The following FRMPD3 variants were observed in gnomAD, a reference collection of about 807,000 sequenced individuals.
FRMPD3 encodes FERM and PDZ domain containing 3, also known as FERM and PDZ domain-containing protein 3.
In FRMPD3, 42 loss-of-function variants were observed where a neutral mutation model predicts 97.9. That is an observed-to-expected ratio of 0.43 (90% CI 0.34 to 0.55). The LOEUF is 0.55. Ranked by LOEUF, FRMPD3 falls within the 20% of genes least tolerant of loss-of-function variation. FRMPD3 has a pLI of 0.03. For missense variants in FRMPD3, 1,303 were observed against 1,457.7 expected, an observed-to-expected ratio of 0.89 and a Z score of 1.73; for synonymous variants, 577 against 581.1, an observed-to-expected ratio of 0.99 and a Z score of 0.10.
intron 13 of FRMPD3, among the ~76,000 whole-genome samples, chrX:107,583,712 A>T (rs891499141): frequency 9.9e-5 from 11 of 111,638 alleles, no homozygotes; most frequent in African/African-American, 3.6e-4. Context: ...CCAACAGTGT[A>T]AAAGCATTCC....
chrX:107,537,775 G>A (rs889553239), intron 4 of FRMPD3, among the ~76,000 whole-genome samples: 2 of 111,463 alleles, frequency 1.8e-5, no homozygotes, highest in East Asian at 2.8e-4. Flanking sequence ...ATGTGCAGTC[G>A]ATCCTCATTA....
intron 1 of FRMPD3, among the ~76,000 whole-genome samples, chrX:107,500,608 A>C (rs1921881103): frequency 9.0e-6 from 1 of 111,572 alleles, no homozygotes; most frequent in African/African-American, 3.3e-5. Context: ...AGGCTGGCCA[A>C]CATGGTGAAA....
At chrX:107,453,431 G>A (rs1021083710) in intron 1 of FRMPD3, among the ~76,000 whole-genome samples, 1 of 109,543 alleles carries the variant, frequency 9.1e-6, no homozygotes, top group African/African-American at 3.3e-5. Flanking sequence ...AGGCCCCCTG[G>A]GAGGAAGCAC....
In FRMPD3 at chrX:107,554,375, T is replaced by C; in HGVS notation, c.643-10T>C. The C allele has an allele frequency of 1.7e-6, 2 of 1,206,287 alleles. No homozygotes were observed. The highest frequency in any genetic ancestry group is 2.2e-6 in the Non-Finnish European group (2 of 893,010). On this transcript the variant is annotated splice_polypyrimidine_tract_variant and intron_variant, in intron 7 of 14. Transcript: ENST00000683843. ...CTCTTTTCTTCTCCCCTTTCATCCCTGGAATTCAGGTGGTACAGCGGACAC... is the reference window on the plus strand; with the variant it reads ...CTCTTTTCTTCTCCCCTTTCATCCCCGGAATTCAGGTGGTACAGCGGACAC...
intron 12 of FRMPD3, among the ~76,000 whole-genome samples, chrX:107,574,029 C>T (rs973778967): frequency 8.9e-5 from 10 of 112,119 alleles, no homozygotes; most frequent in Non-Finnish European, 1.9e-5. Context: ...ATTACAGAAC[C>T]GGAACACATC....
intron 1 of FRMPD3, among the ~76,000 whole-genome samples, chrX:107,465,511 G>C (rs1192197940): frequency 9.0e-6 from 1 of 111,050 alleles, no homozygotes; most frequent in East Asian, 2.8e-4. Context: ...TCTTGAGATA[G>C]GCTCTCCTCT....
Position 107,545,745 on chromosome X carries a change from A to G in FRMPD3, c.306A>G (p.Lys102=). The G allele has an allele frequency of 8.3e-7, 1 of 1,207,702 alleles. No individual in the cohort carries two copies. Among genetic ancestry groups the G allele is most frequent in the Non-Finnish European group, 1.1e-6 (1 of 892,921 alleles). The part of the protein sequence containing the change: ...LTVLHTHQSP[K]SAFISAAKKA... ...CTCTGTTCTTTTTCCAGTCCCCCAA[A>G]TCTGCTTTCATCAGTGCTGCGAAGA... The change falls in exon 5 of 15, where the codon AAA becomes AAG. Residue 102 remains lysine (K), a synonymous_variant. Transcript: ENST00000683843.
rs760133294 is a variant in FRMPD3, at chrX:107,451,169, C to T, written c.-8+1164C>T. On this transcript the variant is annotated intron_variant, in intron 1 of 14. Transcript: ENST00000683843. Reference sequence around the variant, plus strand: ...GAATTCTGCTAGACCTGCCCCTCCCCTTGGCATCTTGGTCCAGGTGCAAAA... The same window carrying T: ...GAATTCTGCTAGACCTGCCCCTCCCTTTGGCATCTTGGTCCAGGTGCAAAA... Among the ~76,000 whole-genome samples, 5 of 111,696 alleles carry T rather than the reference C, an allele frequency of 4.5e-5. No homozygotes were observed. The South Asian group carries it at 1.9e-3, about 42-fold the overall frequency.
chrX:107,600,451 C>G lies in FRMPD3; in HGVS notation c.2412C>G (p.Asn804Lys). The part of the protein sequence containing the change: ...NTTYFLAQHL[N>K]KDSLLARKDL... The stretch of plus-strand genomic sequence containing the variant: ...CCTACTTCCTGGCCCAGCACCTCAA[C>G]AAGGACAGCCTCCTTGCCCGCAAGG... The change falls in exon 15 of 15, where the codon AAC becomes AAG. Residue 804 changes from asparagine (N) to lysine (K), a missense_variant. Coordinates refer to ENST00000683843, the MANE Select transcript of FRMPD3 (RefSeq NM_001388459.1). 8.3e-7 allele frequency: 1 copy of G among 1,210,678 alleles called. No homozygotes were observed. Among genetic ancestry groups the G allele is most frequent in the Non-Finnish European group, 1.1e-6 (1 of 895,284 alleles).
intron 8 of FRMPD3, among the ~76,000 whole-genome samples, chrX:107,559,002 A>ATTTTTTT (rs34486203): frequency 2.2e-5 from 2 of 92,327 alleles, no homozygotes; most frequent in Non-Finnish European, 4.3e-5. Context: ...CACTATAGCA[A>ATTTTTTT]TTTTTTTTTT....
intron 6 of FRMPD3, among the ~76,000 whole-genome samples, chrX:107,551,839 C>T (rs1197154918): frequency 1.8e-5 from 2 of 112,688 alleles, no homozygotes; most frequent in African/African-American, 3.2e-5. Flanking sequence ...ACTACTTGGA[C>T]AACACAAGAG....
At chrX:107,579,890 T>C (rs1923305338) in intron 13 of FRMPD3, among the ~76,000 whole-genome samples, 1 of 111,798 alleles carries the variant, frequency 8.9e-6, no homozygotes, top group South Asian at 3.8e-4. Flanking sequence ...CTACTATATA[T>C]CCCATGAGTG....
At chrX:107,527,315 A>G (rs1427890962) in intron 2 of FRMPD3, among the ~76,000 whole-genome samples, 2 of 112,638 alleles carry the variant, frequency 1.8e-5, no homozygotes, top group African/African-American at 3.2e-5. Flanking sequence ...AGCATCTACA[A>G]TGTGCTTTAC....
At chrX:107,489,751 G>A in intron 1 of FRMPD3, among the ~76,000 whole-genome samples, 1 of 111,734 alleles carries the variant, frequency 8.9e-6, no homozygotes, top group East Asian at 2.8e-4. Flanking sequence ...TTTGTCAGAC[G>A]AGTAGGTTGC....
intron 13 of FRMPD3, among the ~76,000 whole-genome samples, chrX:107,583,477 C>T (rs1027101919): frequency 4.5e-5 from 5 of 112,044 alleles, no homozygotes; most frequent in Non-Finnish European, 7.5e-5. Flanking sequence ...TTTTCATTAT[C>T]CAGTTTATCA....
Position 107,552,786 on chromosome X carries a change from G to A in FRMPD3, c.511-9G>A, listed in dbSNP as rs772587957. ...AATCTCCCTCTCAAGGCTCTTTTCTGTCCCACAGGATGTGATGTTGACATT... is the reference window on the plus strand; with the variant it reads ...AATCTCCCTCTCAAGGCTCTTTTCTATCCCACAGGATGTGATGTTGACATT... On this transcript the variant is annotated splice_polypyrimidine_tract_variant and intron_variant, in intron 6 of 14. Coordinates refer to ENST00000683843, the MANE Select transcript of FRMPD3 (RefSeq NM_001388459.1). The A allele has an allele frequency of 6.2e-5, 75 of 1,206,519 alleles. No homozygotes were observed. Among genetic ancestry groups the A allele is most frequent in the Non-Finnish European group, 7.7e-5 (69 of 893,940 alleles).
At chrX:107,529,034 G>A (rs1439777344) in intron 2 of FRMPD3, among the ~76,000 whole-genome samples, 1 of 112,794 alleles carries the variant, frequency 8.9e-6, no homozygotes, top group Non-Finnish European at 1.9e-5. Context: ...TTGGGATCTG[G>A]CCCTTCAAAG....
At chrX:107,556,280 C>T (rs1201219822) in intron 8 of FRMPD3, among the ~76,000 whole-genome samples, 1 of 110,235 alleles carries the variant, frequency 9.1e-6, no homozygotes, top group East Asian at 2.8e-4. Flanking sequence ...TGTGGTTGCT[C>T]TGTGAATTTT....
At chrX:107,600,242 G>C in intron 14 of FRMPD3, 61 bp from the exon 15 acceptor site, 4 of 1,134,618 alleles carry the variant, frequency 3.5e-6, no homozygotes, top group Non-Finnish European at 4.7e-6. Flanking sequence ...GGACAACCGT[G>C]TAGAGCTGGA....
Sources: allele counts gnomAD v4.1 joint callset (sites outside exome capture counted in the v4.1 genomes callset), GRCh38; gene constraint gnomAD v4.1.1; transcripts MANE v1.5; gene names NCBI Gene and HGNC (gene_info 2026-07-23, HGNC 2026-07-21).